KCNIP4: variants seen among roughly 807,000 people sequenced by gnomAD.
The protein encoded by KCNIP4 is Kv channel-interacting protein 4.
Under a neutral mutation model 34.0 loss-of-function variants are expected in KCNIP4, and 12 were observed. That is an observed-to-expected ratio of 0.35 (90% CI 0.23 to 0.57). The LOEUF (loss-of-function observed/expected upper bound fraction) is 0.57, where lower values mean the gene tolerates loss of function less well. Among genes scored for constraint, KCNIP4 ranks in the 20% least tolerant of loss-of-function variants. The pLI is 0.83. For synonymous variants in KCNIP4, 124 were observed against 102.2 expected, an observed-to-expected ratio of 1.21 and a Z score of -1.29; for missense variants, 238 against 311.7, an observed-to-expected ratio of 0.76 and a Z score of 1.78.
intron 1 of KCNIP4, among the ~76,000 whole-genome samples, chr4:21,152,865 G>C (rs1053187112): frequency 7.2e-5 from 11 of 152,182 alleles, no homozygotes; most frequent in Non-Finnish European, 1.5e-4. Context: ...CTGATGATCT[G>C]AGGTCGAACA....
chr4:21,054,330 C>T (rs1176150491), intron 1 of KCNIP4, among the ~76,000 whole-genome samples: 2 of 151,866 alleles, frequency 1.3e-5, no homozygotes, highest in African/African-American at 4.8e-5. Context: ...ATCAGCCTGG[C>T]CAACATGGTG....
chr4:21,920,729 C>T (rs751719924), intron 1 of KCNIP4, among the ~76,000 whole-genome samples: 9 of 152,104 alleles, frequency 5.9e-5, no homozygotes. Context: ...ATTTTGGTAT[C>T]CAATGGAGAT....
At chr4:20,922,181 C>G (rs1729448310) in intron 1 of KCNIP4, among the ~76,000 whole-genome samples, 1 of 152,140 alleles carries the variant, frequency 6.6e-6, no homozygotes. Context: ...AAGAGATGCT[C>G]AGATGGCTAG....
chr4:21,790,743 A>G (rs1161412501), intron 1 of KCNIP4, among the ~76,000 whole-genome samples: 1 of 152,112 alleles, frequency 6.6e-6, no homozygotes, highest in African/African-American at 2.4e-5. Context: ...ATAATCTTAG[A>G]AAGAACCCTA....
chr4:21,787,669 T>C (rs1284833342), intron 1 of KCNIP4, among the ~76,000 whole-genome samples: 2 of 152,352 alleles, frequency 1.3e-5, no homozygotes, highest in East Asian at 3.9e-4. Flanking sequence ...ATCTTCTCAC[T>C]GATTTGCTTG....
chr4:21,147,936 T>C (rs1752478156), intron 1 of KCNIP4, among the ~76,000 whole-genome samples: 1 of 28,754 alleles, frequency 3.5e-5, no homozygotes, highest in African/African-American at 1.9e-4. Flanking sequence ...TGAAACTCCG[T>C]CTCAAAAAAA....
intron 1 of KCNIP4, among the ~76,000 whole-genome samples, chr4:21,920,133 T>C (rs1226801324): frequency 2.0e-5 from 3 of 152,172 alleles, no homozygotes; most frequent in Non-Finnish European, 4.4e-5. Flanking sequence ...TTCTTTAAAC[T>C]GATGCTGAAT....
intron 1 of KCNIP4, among the ~76,000 whole-genome samples, chr4:21,551,351 A>G (rs1738566391): frequency 6.6e-6 from 1 of 152,062 alleles, no homozygotes. Flanking sequence ...TACAGTGATA[A>G]ATTTTACCAC....
At chr4:20,899,122 T>C (rs957093174) in intron 1 of KCNIP4, among the ~76,000 whole-genome samples, 1 of 152,202 alleles carries the variant, frequency 6.6e-6, no homozygotes, top group African/African-American at 2.4e-5. Context: ...ACTGTACATG[T>C]TGATGTGCCA....
intron 1 of KCNIP4, among the ~76,000 whole-genome samples, chr4:21,060,424 C>T (rs1743808760): frequency 6.6e-6 from 1 of 152,136 alleles, no homozygotes; most frequent in Non-Finnish European, 1.5e-5. Flanking sequence ...CTGTAGGCAT[C>T]AGACTGGATG....
rs373482072 is a variant in KCNIP4 at position 21,542,821 on chromosome 4, A to G, written c.61+405750T>C. Among the ~76,000 whole-genome samples, 7 of 151,730 alleles carry G rather than the reference A, an allele frequency of 4.6e-5. No individual in the cohort carries two copies. The South Asian group carries it at 1.0e-3, about 22-fold the overall frequency. ...TCAGAATAGTGAATCTAAGTAACAAAGAGGAATAAATAATGAATCAAATAA... is the reference window on the plus strand; with the variant it reads ...TCAGAATAGTGAATCTAAGTAACAAGGAGGAATAAATAATGAATCAAATAA... On this transcript the variant is annotated intron_variant, in intron 1 of 8. Transcript: ENST00000382152.
intron 1 of KCNIP4, among the ~76,000 whole-genome samples, chr4:21,589,241 T>TATATGTATCTATAC (rs1260204371): frequency 0.07 from 7,336 of 104,168 alleles, 505 homozygotes; most frequent in African/African-American, 0.16. Context: ...TACAGATACA[T>TATATGTATCTATAC]ATATACATAT....
intron 1 of KCNIP4, chr4:21,848,321 A>C (rs1458452020): frequency 6.6e-6 from 1 of 152,220 alleles, no homozygotes; most frequent in Non-Finnish European, 1.5e-5. Context: ...GAAAGCAGAC[A>C]GAACACACAG....
At chr4:21,474,787 C>A (rs767865083) in intron 1 of KCNIP4, among the ~76,000 whole-genome samples, 1 of 151,706 alleles carries the variant, frequency 6.6e-6, no homozygotes, top group Non-Finnish European at 1.5e-5. Context: ...ACAAGGTCAG[C>A]AGTTTGAGAC....
chr4:21,874,585 G>A (rs1725991630), intron 1 of KCNIP4, among the ~76,000 whole-genome samples: 1 of 152,140 alleles, frequency 6.6e-6, no homozygotes, highest in South Asian at 2.1e-4. Flanking sequence ...CCAGATTCTG[G>A]AAAAGGCTTC....
At chr4:21,648,412 GGAA>G (rs1351722336) in intron 1 of KCNIP4, among the ~76,000 whole-genome samples, 4 of 152,112 alleles carry the variant, frequency 2.6e-5, no homozygotes, top group Admixed American at 1.3e-4. Flanking sequence ...TATAGTTCAG[GGAA>G]GAAGACACTG....
chr4:21,310,631 T>C (rs1443105088), intron 1 of KCNIP4, among the ~76,000 whole-genome samples: 3 of 147,222 alleles, frequency 2.0e-5, no homozygotes, highest in Admixed American at 6.8e-5. Flanking sequence ...TTCTTTCTTC[T>C]TCTTTTTTTT....
At chr4:21,855,630 A>G (rs560957614) in intron 1 of KCNIP4, 4 of 152,150 alleles carry the variant, frequency 2.6e-5, no homozygotes, top group African/African-American at 9.7e-5. Flanking sequence ...CCATTCTTCT[A>G]TAAGTTCTTA....
chr4:21,814,167 C>T (rs1308698780), intron 1 of KCNIP4, among the ~76,000 whole-genome samples: 1 of 152,114 alleles, frequency 6.6e-6, no homozygotes, highest in African/African-American at 2.4e-5. Flanking sequence ...TCACATATTT[C>T]TAATCTAACC....
Sources: allele counts gnomAD v4.1 joint callset (sites outside exome capture counted in the v4.1 genomes callset), GRCh38; gene constraint gnomAD v4.1.1; transcripts MANE v1.5; gene names NCBI Gene and HGNC (gene_info 2026-07-23, HGNC 2026-07-21).